Variants in GPC6 observed in about 807,000 individuals in gnomAD.
The protein encoded by GPC6 is glypican-6.
Under a neutral mutation model 55.2 loss-of-function variants are expected in GPC6, and 14 were observed. The ratio of observed to expected loss-of-function variants is 0.25; its 90% CI spans 0.17 to 0.40. GPC6 has a LOEUF of 0.40. Among genes scored for constraint, GPC6 ranks in the 10% least tolerant of loss-of-function variants. The pLI, the probability that GPC6 is intolerant of heterozygous loss-of-function variation, is 1.00. For missense variants in GPC6, 641 were observed against 708.5 expected, an observed-to-expected ratio of 0.90 and a Z score of 1.08; for synonymous variants, 278 against 259.6, an observed-to-expected ratio of 1.07 and a Z score of -0.68.
intron 3 of GPC6, among the ~76,000 whole-genome samples, chr13:93,907,072 G>T (rs1270563819): frequency 6.6e-6 from 1 of 152,062 alleles, no homozygotes; most frequent in Non-Finnish European, 1.5e-5. Context: ...TTAGTAAAAA[G>T]AAATAATTCA....
intron 2 of GPC6, among the ~76,000 whole-genome samples, chr13:93,660,391 A>G (rs1421322396): frequency 6.6e-6 from 1 of 152,182 alleles, no homozygotes; most frequent in Non-Finnish European, 1.5e-5. Context: ...ATGGATTAAC[A>G]TGTTTATGGT....
chr13:93,396,979 C>G (rs1875882958), intron 1 of GPC6, among the ~76,000 whole-genome samples: 1 of 152,056 alleles, frequency 6.6e-6, no homozygotes, highest in South Asian at 2.1e-4. Context: ...ACTAAATATT[C>G]TTTAGAATAT....
chr13:93,999,621 T>C (rs1881710866), intron 3 of GPC6, among the ~76,000 whole-genome samples: 1 of 152,172 alleles, frequency 6.6e-6, no homozygotes, highest in Non-Finnish European at 1.5e-5. Flanking sequence ...AATGGCAGGA[T>C]TTTCTACTTT....
chr13:94,026,351 T>A (rs376078125), intron 3 of GPC6, among the ~76,000 whole-genome samples: 17 of 152,152 alleles, frequency 1.1e-4, no homozygotes, highest in African/African-American at 3.4e-4. Flanking sequence ...GTGGAAATAT[T>A]TCTTGTTGTT....
At chr13:94,380,710 A>G (rs573141950) in intron 6 of GPC6, among the ~76,000 whole-genome samples, 3 of 152,288 alleles carry the variant, frequency 2.0e-5, no homozygotes, top group African/African-American at 4.8e-5. Context: ...TGTCCAGGAA[A>G]TTTAACACTA....
intron 2 of GPC6, among the ~76,000 whole-genome samples, chr13:93,598,849 C>A (rs1877883501): frequency 6.6e-6 from 1 of 152,120 alleles, no homozygotes; most frequent in Non-Finnish European, 1.5e-5. Context: ...TGACTCAAAA[C>A]TGTAGATGTT....
At chr13:93,751,696 A>T (rs996158698) in intron 2 of GPC6, among the ~76,000 whole-genome samples, 1 of 148,308 alleles carries the variant, frequency 6.7e-6, no homozygotes, top group Admixed American at 6.7e-5. Flanking sequence ...TAATTTTTAA[A>T]TTTTTTTTTT....
intron 4 of GPC6, among the ~76,000 whole-genome samples, chr13:94,035,977 C>T (rs543838102): frequency 6.6e-6 from 1 of 152,138 alleles, no homozygotes; most frequent in East Asian, 1.9e-4. Flanking sequence ...CTTCATCTGG[C>T]TGTCTTTGTG....
At chr13:93,621,365 A>G (rs1163706397) in intron 2 of GPC6, among the ~76,000 whole-genome samples, 1 of 152,220 alleles carries the variant, frequency 6.6e-6, no homozygotes, top group Admixed American at 6.5e-5. Flanking sequence ...TCTTTGCTGC[A>G]TTCCTTGAGT....
At chr13:93,580,457 AT>A (rs1323179014) in intron 2 of GPC6, among the ~76,000 whole-genome samples, 1 of 152,230 alleles carries the variant, frequency 6.6e-6, no homozygotes, top group Non-Finnish European at 1.5e-5. Flanking sequence ...CGAAGACTAC[AT>A]TATACACATA....
chr13:94,175,294 T>C (rs1285553264), intron 4 of GPC6, among the ~76,000 whole-genome samples: 1 of 152,194 alleles, frequency 6.6e-6, no homozygotes, highest in Non-Finnish European at 1.5e-5. Flanking sequence ...TACACAATTC[T>C]GCCTTTGTAG....
At chr13:94,092,130 GC>G (rs1885507724) in intron 4 of GPC6, among the ~76,000 whole-genome samples, 3 of 113,864 alleles carry the variant, frequency 2.6e-5, no homozygotes, top group East Asian at 6.2e-4. Context: ...GCGGGGTGGG[GC>G]GGGGGGCGGG....
intron 1 of GPC6, among the ~76,000 whole-genome samples, chr13:93,234,884 TGAGA>T (rs1246391722): frequency 2.4e-4 from 36 of 152,170 alleles, no homozygotes; most frequent in African/African-American, 8.2e-4. Flanking sequence ...TCAGTGTCAC[TGAGA>T]GAAAGAGATT....
chr13:94,223,216 A>G (rs981826604), intron 4 of GPC6, among the ~76,000 whole-genome samples: 1 of 152,142 alleles, frequency 6.6e-6, no homozygotes, highest in Non-Finnish European at 1.5e-5. Flanking sequence ...CTCATGTGTT[A>G]TGTAAACTCT....
intron 2 of GPC6, among the ~76,000 whole-genome samples, chr13:93,620,489 G>T (rs1426498044): frequency 6.6e-6 from 1 of 152,162 alleles, no homozygotes; most frequent in Admixed American, 6.5e-5. Context: ...GCTATAGAAT[G>T]CCTCTAAGCC....
At chr13:94,138,417 T>C (rs1216528408) in intron 4 of GPC6, among the ~76,000 whole-genome samples, 2 of 152,196 alleles carry the variant, frequency 1.3e-5, no homozygotes, top group Non-Finnish European at 2.9e-5. Context: ...ATTCCTGTAA[T>C]CGTTCCAGTC....
chr13:94,345,868 G>A (rs943348725), intron 6 of GPC6, among the ~76,000 whole-genome samples: 8 of 152,158 alleles, frequency 5.3e-5, no homozygotes, highest in Admixed American at 2.0e-4. Flanking sequence ...AAGCCTAGAC[G>A]TCTGAAATTA....
chr13:93,322,431 C>CTTTTTTTTTTTTTTTTTTTTTTTTTTTTT, intron 1 of GPC6, among the ~76,000 whole-genome samples: 1 of 96,792 alleles, frequency 1.0e-5, no homozygotes, highest in Non-Finnish European at 1.9e-5. Flanking sequence ...TTTCTTTCTT[C>CTTTTTTTTTTTTTTTTTTTTTTTTTTTTT]TTTTTTTTTT....
At chr13:93,403,546 A>G (rs1594145568) in intron 1 of GPC6, among the ~76,000 whole-genome samples, 1 of 152,202 alleles carries the variant, frequency 6.6e-6, no homozygotes, top group Admixed American at 6.5e-5. Flanking sequence ...GGCATAGTCA[A>G]TGCTCTTTTG....
Sources: allele counts gnomAD v4.1 joint callset (sites outside exome capture counted in the v4.1 genomes callset), GRCh38; gene constraint gnomAD v4.1.1; transcripts MANE v1.5; gene names NCBI Gene and HGNC (gene_info 2026-07-23, HGNC 2026-07-21).